CNTNAP2: variants seen among roughly 807,000 people sequenced by gnomAD.
CNTNAP2 encodes the protein contactin associated protein 2.
Under a neutral mutation model 155.2 loss-of-function variants are expected in CNTNAP2, and 98 were observed. That is an observed-to-expected ratio of 0.63 (90% confidence interval 0.54 to 0.75). The LOEUF (loss-of-function observed/expected upper bound fraction) is 0.75, where lower values mean the gene tolerates loss of function less well. Among genes scored for constraint, CNTNAP2 ranks in the 30% least tolerant of loss-of-function variants. The pLI, the probability that CNTNAP2 is intolerant of heterozygous loss-of-function variation, is 0.00. For missense variants in CNTNAP2, 1,727 were observed against 1,688.1 expected (o/e 1.02, Z -0.40); for synonymous variants, 651 against 631.2 (o/e 1.03, Z -0.47).
At chr7:147,267,301 G>T (rs541230908) in intron 8 of CNTNAP2, among the ~76,000 whole-genome samples, 2 of 152,264 alleles carry the variant, frequency 1.3e-5, no homozygotes, top group African/African-American at 4.8e-5. Context: ...GTAATGAAAA[G>T]CATGGAAATT....
intron 15 of CNTNAP2, among the ~76,000 whole-genome samples, chr7:148,048,061 C>CT (rs1244640397): frequency 2.0e-5 from 3 of 151,956 alleles, no homozygotes; most frequent in African/African-American, 7.3e-5. Flanking sequence ...GTAGCTGGGA[C>CT]TACAGGTGCC....
chr7:146,919,348 TG>T (rs1415287678), intron 3 of CNTNAP2, among the ~76,000 whole-genome samples: 1 of 152,192 alleles, frequency 6.6e-6, no homozygotes, highest in Admixed American at 6.5e-5. Context: ...CAAGGGCTGC[TG>T]TTCAGATTAT....
chr7:147,201,984 G>T (rs562427851), intron 8 of CNTNAP2, among the ~76,000 whole-genome samples: 1 of 152,064 alleles, frequency 6.6e-6, no homozygotes, highest in South Asian at 2.1e-4. Context: ...TAGAACGAAT[G>T]TCCTTTACAT....
chr7:146,589,696 A>T (rs1019556439), intron 1 of CNTNAP2, among the ~76,000 whole-genome samples: 3 of 151,928 alleles, frequency 2.0e-5, no homozygotes, highest in Non-Finnish European at 4.4e-5. Context: ...GTGTATACTT[A>T]TGTAACAAAC....
chr7:146,699,961 T>C (rs9640232), intron 1 of CNTNAP2, among the ~76,000 whole-genome samples: 123,811 of 152,028 alleles, frequency 0.81, 51,266 homozygotes, highest in South Asian at 0.93. Flanking sequence ...GAGTGAGACT[T>C]TGTCTCAAGA....
At chr7:147,479,738 T>A (rs28702601) in intron 10 of CNTNAP2, among the ~76,000 whole-genome samples, 39,093 of 151,962 alleles carry the variant, frequency 0.26, 6,194 homozygotes, top group African/African-American at 0.45. Context: ...GCTTGCTTTT[T>A]TTTTAATGAA....
At chr7:146,637,784 T>G (rs1214202718) in intron 1 of CNTNAP2, among the ~76,000 whole-genome samples, 1 of 152,204 alleles carries the variant, frequency 6.6e-6, no homozygotes, top group Non-Finnish European at 1.5e-5. Context: ...GAAAGGCTAT[T>G]GGATTTGAAA....
intron 3 of CNTNAP2, among the ~76,000 whole-genome samples, chr7:146,878,448 T>G (rs1050719085): frequency 1.4e-5 from 2 of 138,632 alleles, no homozygotes; most frequent in Non-Finnish European, 3.0e-5. Context: ...TACTCTTGAG[T>G]TTTTTTTTTT....
intron 21 of CNTNAP2, among the ~76,000 whole-genome samples, chr7:148,363,693 C>T (rs1194687921): frequency 6.6e-6 from 1 of 152,214 alleles, no homozygotes; most frequent in African/African-American, 2.4e-5. Context: ...CGGCACCTCC[C>T]CTGCCTGGGC....
chr7:146,860,233 G>GT (rs1795072411), intron 3 of CNTNAP2, among the ~76,000 whole-genome samples: 1 of 152,346 alleles, frequency 6.6e-6, no homozygotes, highest in East Asian at 1.9e-4. Flanking sequence ...TATGCAGTAT[G>GT]TTTTTAAAAA....
At chr7:146,830,129 T>A (rs565204003) in intron 2 of CNTNAP2, among the ~76,000 whole-genome samples, 2 of 152,224 alleles carry the variant, frequency 1.3e-5, no homozygotes, top group East Asian at 3.9e-4. Flanking sequence ...TTTACTATAA[T>A]CGAATTTATA....
chr7:147,377,346 C>T (rs1470966309), intron 9 of CNTNAP2, among the ~76,000 whole-genome samples: 1 of 151,750 alleles, frequency 6.6e-6, no homozygotes, highest in African/African-American at 2.4e-5. Flanking sequence ...TAATCACACC[C>T]TATCATGCTA....
chr7:147,224,970 T>C (rs539954074), intron 8 of CNTNAP2, among the ~76,000 whole-genome samples: 29 of 152,214 alleles, frequency 1.9e-4, no homozygotes, highest in Non-Finnish European at 4.0e-4. Flanking sequence ...CTGTATCTTA[T>C]ACACTTTTTA....
Position 146,724,648 on chromosome 7 carries a change from G to A in CNTNAP2, c.98-49623G>A, listed in dbSNP as rs563386095. 2.4e-4 allele frequency among the ~76,000 whole-genome samples: 31 copies of A among 127,634 alleles called. No homozygotes were observed. The East Asian group carries it at 2.7e-3, about 11-fold the overall frequency. The allele number at this position is 127,634 out of a possible 152,430, so 83.7% of individuals were successfully genotyped here. On this transcript the variant is annotated intron_variant, in intron 1 of 23. Coordinates refer to ENST00000361727, the MANE Select transcript of CNTNAP2 (RefSeq NM_014141.6). ...TGCAATGGTGAGATCTCTGCTCACC[G>A]CAACCTCCGACTCCGTGGTTCAAGC...
At chr7:146,447,056 T>A (rs1796412465) in intron 1 of CNTNAP2, among the ~76,000 whole-genome samples, 1 of 152,044 alleles carries the variant, frequency 6.6e-6, no homozygotes, top group Non-Finnish European at 1.5e-5. Context: ...CAAAACAGTA[T>A]CTTAGGAAGG....
At chr7:148,164,952 C>T (rs535768355) in intron 17 of CNTNAP2, among the ~76,000 whole-genome samples, 1 of 152,098 alleles carries the variant, frequency 6.6e-6, no homozygotes, top group Admixed American at 6.5e-5. Context: ...CTGGCTCTAA[C>T]TCTGTACTTT....
chr7:146,767,581 C>A lies in CNTNAP2; in HGVS notation c.98-6690C>A, dbSNP rs1802219534. Among the ~76,000 whole-genome samples, 4 of 151,904 alleles carry A rather than the reference C, an allele frequency of 2.6e-5. No homozygotes were observed. In the East Asian group the frequency reaches 7.7e-4, roughly 29 times the overall value. ...CTTATTTTCAATAGCAAAGAGTAGT[C>A]CAGGGAAGCTGGAGCAAGAGATACA... is the stretch of plus-strand genomic sequence containing the variant. On this transcript the variant is annotated intron_variant, in intron 1 of 23. Coordinates refer to ENST00000361727, the MANE Select transcript of CNTNAP2 (RefSeq NM_014141.6).
intron 1 of CNTNAP2, among the ~76,000 whole-genome samples, chr7:146,563,168 C>T (rs1798306047): frequency 6.6e-6 from 1 of 152,174 alleles, no homozygotes; most frequent in Admixed American, 6.5e-5. Flanking sequence ...AACACAGACC[C>T]TCTGTCACAG....
At chr7:146,146,711 C>T (rs975468826) in intron 1 of CNTNAP2, among the ~76,000 whole-genome samples, 4 of 151,970 alleles carry the variant, frequency 2.6e-5, no homozygotes, top group African/African-American at 9.7e-5. Flanking sequence ...CATCAAATTT[C>T]GGGGGCAAAT....
Sources: gnomAD v4.1 joint callset for allele counts (sites outside exome capture counted in the v4.1 genomes callset) on GRCh38, gnomAD v4.1.1 for gene constraint, MANE v1.5 for transcripts, NCBI Gene and HGNC (gene_info 2026-07-23, HGNC 2026-07-21) for gene names.